Variants in TMEM135 observed in about 807,000 individuals in gnomAD.
The protein encoded by TMEM135 is peroxisomal membrane protein 52.
In TMEM135, 30 loss-of-function variants were observed where a neutral mutation model predicts 60.3. The observed-to-expected ratio is 0.50, with a 90% CI of 0.37 to 0.68. The LOEUF is 0.68. Ranked by LOEUF, TMEM135 falls within the 30% of genes least tolerant of loss-of-function variation. TMEM135 has a pLI of 0.00. For synonymous variants in TMEM135, 190 were observed against 186.7 expected (o/e 1.02, Z -0.14); for missense variants, 468 against 548.8 (o/e 0.85, Z 1.47).
At chr11:87,053,977 A>G (rs965721471) in intron 1 of TMEM135, among the ~76,000 whole-genome samples, 6 of 152,210 alleles carry the variant, frequency 3.9e-5, no homozygotes, top group African/African-American at 1.4e-4. Flanking sequence ...GTTAATAAGT[A>G]TTTGTTAGTG....
intron 5 of TMEM135, among the ~76,000 whole-genome samples, chr11:87,222,027 C>G (rs899520647): frequency 6.6e-6 from 1 of 151,394 alleles, no homozygotes; most frequent in Non-Finnish European, 1.5e-5. Context: ...ACTAAAAATA[C>G]AAAAAAATTA....
chr11:87,240,462 A>C (rs923457406), intron 6 of TMEM135, among the ~76,000 whole-genome samples: 1 of 152,008 alleles, frequency 6.6e-6, no homozygotes, highest in African/African-American at 2.4e-5. Context: ...ATATGTATTT[A>C]TGGGCAAAGC....
Position 87,291,307 on chromosome 11 carries a change from T to C in TMEM135, c.510-4475T>C, listed in dbSNP as rs528249265. On this transcript the variant is annotated intron_variant, in intron 6 of 14. Transcript: ENST00000305494. ...ACTTTAATGAGTGGCCGTATTATCC[T>C]TCCGTTTGATCAAACCAAAAATTAT... Among the ~76,000 whole-genome samples, 173 of 152,176 alleles carry C rather than the reference T, an allele frequency of 1.1e-3. 3 individuals carry two copies. The highest frequency in any genetic ancestry group is 1.3e-3 in the Non-Finnish European group (87 of 68,032).
At chr11:87,206,564 A>G (rs1020314259) in intron 5 of TMEM135, among the ~76,000 whole-genome samples, 3 of 152,160 alleles carry the variant, frequency 2.0e-5, no homozygotes, top group Admixed American at 2.0e-4. Context: ...AGTATCCATG[A>G]TATAACCTGT....
At chr11:87,054,995 G>A (rs909040108) in intron 1 of TMEM135, among the ~76,000 whole-genome samples, 1 of 152,090 alleles carries the variant, frequency 6.6e-6, no homozygotes, top group South Asian at 2.1e-4. Context: ...CCTACAATGA[G>A]TAAGAAATAC....
At chr11:87,181,438 T>G (rs1380461689) in intron 5 of TMEM135, among the ~76,000 whole-genome samples, 3 of 152,212 alleles carry the variant, frequency 2.0e-5, no homozygotes, top group African/African-American at 7.2e-5. Flanking sequence ...AACGTTCATC[T>G]TTGGTGAAAG....
intron 4 of TMEM135, among the ~76,000 whole-genome samples, chr11:87,134,240 C>T (rs551983501): frequency 1.3e-5 from 2 of 152,192 alleles, no homozygotes; most frequent in Admixed American, 6.5e-5. Context: ...CTTTTCTGTC[C>T]GTGTGCCTGT....
At chr11:87,185,901 G>A (rs1939640674) in intron 5 of TMEM135, among the ~76,000 whole-genome samples, 2 of 123,432 alleles carry the variant, frequency 1.6e-5, no homozygotes, top group Admixed American at 1.5e-4. Context: ...TCAATCTGTT[G>A]TAGTTATCCT....
At chr11:87,309,370 G>C (rs1234510788) in intron 9 of TMEM135, 135 bp from the exon 10 acceptor site, 8 of 801,330 alleles carry the variant, frequency 1.0e-5, no homozygotes, top group Non-Finnish European at 1.6e-5. Flanking sequence ...AGGTTTTAAG[G>C]CTTTATTTTG....
In TMEM135 at chr11:87,250,816, A is replaced by G. The variant is rs533834288; in HGVS notation, c.509+14132A>G. Among the ~76,000 whole-genome samples, 196 of 152,362 alleles carry G rather than the reference A, an allele frequency of 1.3e-3. 1 individual carries two copies. Among genetic ancestry groups the G allele is most frequent in the African/African-American group, 4.6e-3 (192 of 41,594 alleles). ...TTCAGAGTTAGGAGATGTGCCTTAA[A>G]TAATTAGATTTTATTGTAAAGGGAT... On this transcript the variant is annotated intron_variant, in intron 6 of 14. Coordinates refer to ENST00000305494, the MANE Select transcript of TMEM135 (RefSeq NM_022918.4).
chr11:87,151,799 A>G (rs1269752998), intron 4 of TMEM135, among the ~76,000 whole-genome samples: 2 of 152,098 alleles, frequency 1.3e-5, no homozygotes, highest in African/African-American at 2.4e-5. Flanking sequence ...GGATCAATGG[A>G]AAGAGATATA....
intron 5 of TMEM135, among the ~76,000 whole-genome samples, chr11:87,213,916 C>T (rs75992857): frequency 0.034 from 5,112 of 152,166 alleles, 258 homozygotes; most frequent in African/African-American, 0.1. Context: ...CAATAATAAC[C>T]GTTCAGTGTA....
At chr11:87,202,747 A>G (rs1326929692) in intron 5 of TMEM135, among the ~76,000 whole-genome samples, 3 of 148,514 alleles carry the variant, frequency 2.0e-5, no homozygotes, top group African/African-American at 4.9e-5. Context: ...AAAAAAAAAA[A>G]GCAGACCGGG....
chr11:87,229,712 A>T (rs939060988), intron 5 of TMEM135, among the ~76,000 whole-genome samples: 25 of 152,292 alleles, frequency 1.6e-4, no homozygotes, highest in African/African-American at 5.3e-4. Context: ...GCATATCCAT[A>T]TGTGTATGCT....
At chr11:87,131,369 C>G (rs11234985) in intron 4 of TMEM135, among the ~76,000 whole-genome samples, 72,460 of 151,800 alleles carry the variant, frequency 0.48, 17,577 homozygotes, top group East Asian at 0.67. Flanking sequence ...TTTACTGTCT[C>G]TATGGTTTTG....
Position 87,039,581 on chromosome 11 carries a change from T to C in TMEM135, c.141+1395T>C, listed in dbSNP as rs112316048. ...ATGTCTCAGAATTTTTCTTTTTATT[T>C]TTGGATACAGGGCCTTGTTGTATTG... On this transcript the variant is annotated intron_variant, in intron 1 of 14. Coordinates refer to ENST00000305494, the MANE Select transcript of TMEM135 (RefSeq NM_022918.4). Among the ~76,000 whole-genome samples the C allele has an allele frequency of 5.4e-4, 82 of 152,366 alleles. 2 individuals carry two copies. The highest frequency in any genetic ancestry group is 1.9e-3 in the African/African-American group (78 of 41,586).
In TMEM135 at chr11:87,328,490, C is replaced by T. The variant is rs4318005; in HGVS notation, c.*7157C>T. On this transcript the variant is annotated 3_prime_UTR_variant, in exon 15 of 15. Coordinates refer to ENST00000305494, the MANE Select transcript of TMEM135 (RefSeq NM_022918.4). ...AGTGTGCATTGTACCCAATATATAG[C>T]TTTTTATTCCTTCCCCTTCTGAGTC... 0.45 allele frequency: 203,809 copies of T among 453,732 alleles called. 48,259 individuals are homozygous for T. The highest frequency in any genetic ancestry group is 0.52 in the Non-Finnish European group (117,563 of 226,694). The allele number at this position is 453,732 out of a possible 1,614,324, so 28.1% of individuals were successfully genotyped here.
At chr11:87,307,899 C>T (rs1942579098) in intron 9 of TMEM135, among the ~76,000 whole-genome samples, 1 of 152,172 alleles carries the variant, frequency 6.6e-6, no homozygotes, top group Non-Finnish European at 1.5e-5. Flanking sequence ...CTGCCAGCCT[C>T]TTAATTGGCT....
At chr11:87,314,420 A>G in intron 11 of TMEM135, 51 bp from the exon 12 acceptor site, 10 of 1,472,480 alleles carry the variant, frequency 6.8e-6, no homozygotes, top group Non-Finnish European at 8.5e-6. Flanking sequence ...TGACATAATA[A>G]CAAATAAATA....
Sources: gnomAD v4.1 joint callset for allele counts (sites outside exome capture counted in the v4.1 genomes callset) on GRCh38, gnomAD v4.1.1 for gene constraint, MANE v1.5 for transcripts, NCBI Gene and HGNC (gene_info 2026-07-23, HGNC 2026-07-21) for gene names.